NEB: variants seen among roughly 807,000 people sequenced by gnomAD.
NEB encodes nemaline myopathy type 2.
NEB carries 512 observed loss-of-function variants against 952.2 expected under a neutral mutation model. That is an observed-to-expected ratio of 0.54 (90% confidence interval 0.50 to 0.58). NEB has a LOEUF of 0.58. Among genes scored for constraint, NEB ranks in the 20% least tolerant of loss-of-function variants. The pLI is 0.00. For synonymous variants in NEB, 2,900 were observed against 3,149.8 expected, an observed-to-expected ratio of 0.92 and a Z score of 2.66; for missense variants, 8,428 against 9,231.1, an observed-to-expected ratio of 0.91 and a Z score of 3.56.
intron 172 of NEB, 133 bp from the exon 173 acceptor site, chr2:151,496,501 A>C (rs1574950381): frequency 4.8e-6 from 7 of 1,447,464 alleles, no homozygotes; most frequent in Non-Finnish European, 6.5e-6. Flanking sequence ...TATGCTGACA[A>C]AATGCCACCA....
chr2:151,683,950 A>G (rs1445915432), intron 28 of NEB, among the ~76,000 whole-genome samples: 1 of 152,200 alleles, frequency 6.6e-6, no homozygotes, highest in Non-Finnish European at 1.5e-5. Context: ...TTGCTAAGTG[A>G]AATAAGCCAA....
In NEB at chr2:151,541,366, G is replaced by T. The variant is rs1042632474; in HGVS notation, c.20682+81C>A. ...CCAGGACAACCAAGTGTGTGAGTCT[G>T]CCACTGGCCAGGTGAGGCCAGGCAC... On this transcript the variant is annotated intron_variant, in intron 136 of 181. Transcript: ENST00000397345. 28 of 999,802 alleles carry T rather than the reference G, an allele frequency of 2.8e-5. No homozygotes were observed. In the African/African-American group the frequency reaches 4.2e-4, roughly 15 times the overall value. 61.9% of individuals were successfully genotyped at this position (999,802 alleles called of 1,614,324 possible). A position where few individuals can be genotyped will look rare whatever the true frequency, so the allele number is the denominator to read the frequency against.
chr2:151,576,085 C>A, intron 106 of NEB, 66 bp downstream of exon 106: 3 of 1,184,494 alleles, frequency 2.5e-6, no homozygotes, highest in Non-Finnish European at 3.5e-6. Flanking sequence ...AAATAAATGA[C>A]CAGGTTTATT....
intron 133 of NEB, among the ~76,000 whole-genome samples, chr2:151,547,154 G>T (rs996934950): frequency 2.0e-5 from 3 of 152,134 alleles, no homozygotes; most frequent in African/African-American, 7.2e-5. Flanking sequence ...GGAGTGAGGA[G>T]TTGGAATGAT....
Position 151,579,104 on chromosome 2 carries a change from A to G in NEB, c.16704+234T>C, listed in dbSNP as rs866178662. On this transcript the variant is annotated intron_variant, in intron 105 of 181. Transcript: ENST00000397345. Reference sequence around the variant, plus strand: ...TCAAAAAAAAAAAAAAAAAAAAAAAAAAAGTAAGAAACTGGAAACACTGTA... The same window carrying G: ...TCAAAAAAAAAAAAAAAAAAAAAAAGAAAGTAAGAAACTGGAAACACTGTA... Among the ~76,000 whole-genome samples the G allele has an allele frequency of 3.3e-3, 500 of 150,822 alleles. 1 individual carries two copies. The highest frequency in any genetic ancestry group is 0.01 in the Middle Eastern group (3 of 294).
rs2099157522 is a variant in NEB, at chr2:151,662,288, A to G, written c.5817T>C (p.Pro1939=). 1 of 1,613,696 alleles carries G rather than the reference A, an allele frequency of 6.2e-7. No individual in the cohort carries two copies. The highest frequency in any genetic ancestry group is 8.5e-7 in the Non-Finnish European group (1 of 1,179,676). Reference sequence around the variant, plus strand: ...TTTTCTCTGCTTCCAGGGAGCCCAGAGGGAGCCATCCAATGCCCTTCATGA... The same window carrying G: ...TTTTCTCTGCTTCCAGGGAGCCCAGGGGGAGCCATCCAATGCCCTTCATGA... The part of the protein sequence containing the change: ...ADFMKGIGWL[P]LGSLEAEKNK... The change falls in exon 46 of 182, where the codon CCT becomes CCC. Residue 1939 remains proline (P), a synonymous_variant. Transcript: ENST00000397345.
intron 11 of NEB, 141 bp from the exon 12 acceptor site, chr2:151,709,904 T>A: frequency 1.6e-6 from 1 of 639,094 alleles, no homozygotes; most frequent in East Asian, 2.8e-5. Context: ...AATTAGAGAA[T>A]GTGGTACCAT....
At chr2:151,671,310 G>T in intron 37 of NEB, 81 bp from the exon 38 acceptor site, 1 of 1,183,454 alleles carries the variant, frequency 8.4e-7, no homozygotes, top group Non-Finnish European at 1.2e-6. Flanking sequence ...TTCTATCCAA[G>T]GGAAATGAAT....
chr2:151,716,931 G>A (rs2099760774), intron 10 of NEB, among the ~76,000 whole-genome samples: 1 of 152,198 alleles, frequency 6.6e-6, no homozygotes, highest in Admixed American at 6.5e-5. Context: ...CCTAAATATA[G>A]GTAGACTAAG....
chr2:151,578,620 C>A (rs958996539), intron 105 of NEB, among the ~76,000 whole-genome samples: 1 of 150,166 alleles, frequency 6.7e-6, no homozygotes, highest in Non-Finnish European at 1.5e-5. Flanking sequence ...GAGACTCCAG[C>A]CAGGGCCACA....
At position 151,612,498 on chromosome 2, in the gene NEB, A is replaced by G. The variant is rs1579286375; in HGVS notation, c.11602-109T>C. ...GTGTTAGTCTGAATCTTATTTGTGT[A>G]AATTTCTGGGAAGACCCACAGGATT... On this transcript the variant is annotated intron_variant, in intron 77 of 181. Transcript: ENST00000397345. 27 of 1,125,084 alleles carry G rather than the reference A, an allele frequency of 2.4e-5. No homozygotes were observed. The East Asian group carries it at 6.7e-4, about 28-fold the overall frequency. 69.7% of individuals were successfully genotyped at this position (1,125,084 alleles called of 1,614,324 possible). A position where few individuals can be genotyped will look rare whatever the true frequency, so the allele number is the denominator to read the frequency against.
Position 151,618,359 on chromosome 2 carries a change from C to G in NEB, c.10992G>C (p.Gln3664His), listed in dbSNP as rs1386975124. 10 of 1,613,880 alleles carry G rather than the reference C, an allele frequency of 6.2e-6. No individual in the cohort carries two copies. The highest frequency in any genetic ancestry group is 8.5e-6 in the Non-Finnish European group (10 of 1,179,882). Reference protein sequence around the residue: ...GELLSDTIYRQRPETLKFTSI... With the variant: ...GELLSDTIYRHRPETLKFTSI... ...TGGTAAATTTCAGCGTTTCTGGACG[C>G]TGACGGTAGATAGTATCACTAAGTA... The change falls in exon 74 of 182, where the codon CAG (glutamine) becomes CAC (histidine). Residue 3664 changes from glutamine to histidine, a missense_variant. Physicochemically the swap from Gln to His is conservative, Grantham distance 24 (BLOSUM62 0). This residue lies in a region of NEB where 1,772 missense variants were observed against 1,960.3 expected (regional missense o/e 0.90). Coordinates refer to ENST00000397345, the MANE Select transcript of NEB (RefSeq NM_001164508.2).
intron 55 of NEB, 105 bp from the exon 56 acceptor site, chr2:151,644,680 G>T: frequency 1.1e-6 from 1 of 927,580 alleles, no homozygotes; most frequent in Non-Finnish European, 1.7e-6. Flanking sequence ...AATAGCATCT[G>T]TGCCCTAAAA....
intron 157 of NEB, among the ~76,000 whole-genome samples, chr2:151,516,108 GT>G (rs1479101130): frequency 6.6e-6 from 1 of 152,196 alleles, no homozygotes; most frequent in African/African-American, 2.4e-5. Flanking sequence ...TCTACTAAGA[GT>G]AGAGCATTTC....
intron 32 of NEB, 45 bp downstream of exon 32, chr2:151,679,676 A>T: frequency 2.8e-6 from 1 of 357,310 alleles, no homozygotes. Flanking sequence ...AAGCCCACCC[A>T]CCCACATTTT....
chr2:151,537,700 T>G (rs901620874), intron 140 of NEB, among the ~76,000 whole-genome samples, 172 bp downstream of exon 140: 1 of 152,244 alleles, frequency 6.6e-6, no homozygotes, highest in African/African-American at 2.4e-5. Context: ...ATATATTTCC[T>G]TCTCCCAAGT....
At chr2:151,501,519 A>G in intron 167 of NEB, 36 bp from the exon 168 acceptor site, 1 of 1,249,254 alleles carries the variant, frequency 8.0e-7, no homozygotes, top group Non-Finnish European at 1.1e-6. Flanking sequence ...ATCAACCTGG[A>G]CCCATCATTT....
Position 151,563,809 on chromosome 2 carries a change from A to G in NEB, c.18579+14T>C, listed in dbSNP as rs1416021456. The G allele has an allele frequency of 6.2e-7, 1 of 1,611,310 alleles. No individual in the cohort carries two copies. The highest frequency in any genetic ancestry group is 1.7e-5 in the Admixed American group (1 of 59,956). On this transcript the variant is annotated intron_variant, in intron 118 of 181. Transcript: ENST00000397345. Reference sequence around the variant, plus strand: ...AAGACTCTCAAACTTAGGAGAGGAAAAGGTCATACTGACCTCACTGTTCAC... The same window carrying G: ...AAGACTCTCAAACTTAGGAGAGGAAGAGGTCATACTGACCTCACTGTTCAC...
chr2:151,647,027 C>G (rs2098968661), intron 54 of NEB, among the ~76,000 whole-genome samples: 1 of 152,224 alleles, frequency 6.6e-6, no homozygotes. Flanking sequence ...ATCAAGATAT[C>G]TTGGATGTCC....
Sources: gnomAD v4.1 joint callset for allele counts (sites outside exome capture counted in the v4.1 genomes callset) on GRCh38, gnomAD v4.1.1 for gene constraint, gnomAD v4.1.1 regional missense constraint, MANE v1.5 for transcripts, NCBI Gene and HGNC (gene_info 2026-07-23, HGNC 2026-07-21) for gene names.